The following ADD3 variants were observed in gnomAD, a reference collection of about 807,000 sequenced individuals.
ADD3 encodes adducin 3.
Under a neutral mutation model 80.2 loss-of-function variants are expected in ADD3, and 25 were observed. The ratio of observed to expected loss-of-function variants is 0.31; its 90% confidence interval spans 0.23 to 0.44. The LOEUF (loss-of-function observed/expected upper bound fraction) is 0.44. Ranked by LOEUF, ADD3 falls within the 20% of genes least tolerant of loss-of-function variation. The pLI is 1.00. For synonymous variants in ADD3, 284 were observed against 289.6 expected (o/e 0.98, Z 0.20); for missense variants, 829 against 847.5 (o/e 0.98, Z 0.27).
intron 11 of ADD3, 70 bp from the exon 12 acceptor site, chr10:110,126,347 A>C: frequency 1.7e-6 from 2 of 1,197,484 alleles, no homozygotes; most frequent in Non-Finnish European, 1.2e-6. Flanking sequence ...AGCTTTTATG[A>C]AAAGATAAAG....
At chr10:110,003,302 GGTGTGT>G, upstream of ADD3, among the ~76,000 whole-genome samples, 1 of 147,028 alleles carries the variant, frequency 6.8e-6, no homozygotes, top group East Asian at 2.0e-4. Context: ...GAACAGTAAG[GGTGTGT>G]GTGTGTGTGT....
chr10:110,001,705 G>C (rs553171302), upstream of ADD3, among the ~76,000 whole-genome samples: 5 of 151,902 alleles, frequency 3.3e-5, no homozygotes, highest in East Asian at 5.8e-4. Context: ...CTCAATCCAG[G>C]GCCCCATCCT....
intron 1 of ADD3, among the ~76,000 whole-genome samples, chr10:110,063,750 T>TATA (rs1323695635): frequency 8.7e-5 from 4 of 45,838 alleles, no homozygotes; most frequent in African/African-American, 3.1e-4. Flanking sequence ...TATATATATA[T>TATA]ATATATATAT....
At chr10:110,033,724 T>G (rs993803720) in intron 1 of ADD3, among the ~76,000 whole-genome samples, 2 of 152,204 alleles carry the variant, frequency 1.3e-5, no homozygotes, top group Non-Finnish European at 2.9e-5. Context: ...TGCAAATACT[T>G]TGTGCATTCT....
At chr10:110,024,054 C>G (rs944811331) in intron 1 of ADD3, among the ~76,000 whole-genome samples, 3 of 152,268 alleles carry the variant, frequency 2.0e-5, no homozygotes, top group Non-Finnish European at 2.9e-5. Flanking sequence ...GAAAAACTGT[C>G]CAGCACAATG....
chr10:110,115,017 T>C (rs1850533953), intron 3 of ADD3, among the ~76,000 whole-genome samples: 1 of 148,168 alleles, frequency 6.7e-6, no homozygotes, highest in Non-Finnish European at 1.5e-5. Flanking sequence ...AGTTCGAGGC[T>C]GCAGTGAGCC....
chr10:109,996,622 C>A (rs1373013296), intron 1 of ADD3, among the ~76,000 whole-genome samples: 1 of 152,132 alleles, frequency 6.6e-6, no homozygotes, highest in Non-Finnish European at 1.5e-5. Flanking sequence ...GTTATGAATT[C>A]TCATGTTCAT....
intron 12 of ADD3, 79 bp downstream of exon 12, chr10:110,126,582 T>G (rs1244506089): frequency 9.6e-7 from 1 of 1,036,558 alleles, no homozygotes; most frequent in African/African-American, 1.6e-5. Context: ...GAATATTTAT[T>G]TTTACTAAGG....
intron 1 of ADD3, among the ~76,000 whole-genome samples, chr10:110,073,118 C>A (rs553504129): frequency 1.3e-5 from 2 of 149,986 alleles, no homozygotes; most frequent in South Asian, 2.1e-4. Context: ...ATTTGCTTAA[C>A]CTCTTTGAGT....
At position 110,090,117 on chromosome 10, in the gene ADD3, C is replaced by T. The variant is rs545268106; in HGVS notation, c.-29-10508C>T. Among the ~76,000 whole-genome samples, 7 of 149,572 alleles carry T rather than the reference C, an allele frequency of 4.7e-5. 1 individual carries two copies. The South Asian group carries it at 1.0e-3, about 22-fold the overall frequency. Reference sequence around the variant, plus strand: ...ATAAAATATCCTTCGTCGTTAGTGACACAGAGGTTAGACTGATCCTCAGCA... The same window carrying T: ...ATAAAATATCCTTCGTCGTTAGTGATACAGAGGTTAGACTGATCCTCAGCA... On this transcript the variant is annotated intron_variant, in intron 1 of 14. Transcript: ENST00000356080.
At chr10:109,998,862 A>G (rs901085162) in intron 1 of ADD3, among the ~76,000 whole-genome samples, 1 of 148,136 alleles carries the variant, frequency 6.8e-6, no homozygotes, top group African/African-American at 2.5e-5. Flanking sequence ...AGTCATTGTC[A>G]ATGGCCTATT....
chr10:110,125,448 T>C (rs1350550326), intron 10 of ADD3, among the ~76,000 whole-genome samples: 2 of 151,818 alleles, frequency 1.3e-5, no homozygotes, highest in African/African-American at 4.9e-5. Flanking sequence ...TTTTTTTGAT[T>C]ACTCCTTTGC....
chr10:110,027,905 C>T (rs1854499584), intron 1 of ADD3, among the ~76,000 whole-genome samples: 1 of 152,146 alleles, frequency 6.6e-6, no homozygotes, highest in African/African-American at 2.4e-5. Context: ...CTTCAGAGGG[C>T]AGGTTCAGTT....
chr10:110,113,469 A>G (rs1206054884), intron 3 of ADD3, among the ~76,000 whole-genome samples: 1 of 152,020 alleles, frequency 6.6e-6, no homozygotes, highest in Admixed American at 6.6e-5. Context: ...GGGTTTCACC[A>G]TGTTGGTTAG....
chr10:110,059,379 G>A (rs1858598450), intron 1 of ADD3, among the ~76,000 whole-genome samples: 1 of 152,160 alleles, frequency 6.6e-6, no homozygotes, highest in Non-Finnish European at 1.5e-5. Flanking sequence ...GGCTGACGCA[G>A]GAGAATTGCT....
intron 14 of ADD3, 51 bp downstream of exon 14, chr10:110,132,451 G>T: frequency 7.9e-7 from 1 of 1,261,474 alleles, no homozygotes; most frequent in Non-Finnish European, 1.2e-6. Context: ...TCTTGAGTCT[G>T]TCCCTCTGTG....
At chr10:110,075,092 GACTAACTAC>G (rs1242429083) in intron 1 of ADD3, among the ~76,000 whole-genome samples, 2 of 152,214 alleles carry the variant, frequency 1.3e-5, no homozygotes, top group Non-Finnish European at 2.9e-5. Flanking sequence ...TTTTTAAAGG[GACTAACTAC>G]ACATTGGGCA....
At chr10:110,001,451 G>A (rs925465330), upstream of ADD3, among the ~76,000 whole-genome samples, 3 of 151,942 alleles carry the variant, frequency 2.0e-5, no homozygotes, top group African/African-American at 7.3e-5. Context: ...GACTCAGAGA[G>A]GTTAAATATT....
intron 1 of ADD3, among the ~76,000 whole-genome samples, chr10:110,092,794 A>T (rs1282772517): frequency 6.6e-6 from 1 of 151,850 alleles, no homozygotes; most frequent in East Asian, 1.9e-4. Context: ...TGAAAAAAAA[A>T]ACCCCTCAGT....
Sources: gnomAD v4.1 joint callset for allele counts (sites outside exome capture counted in the v4.1 genomes callset) on GRCh38, gnomAD v4.1.1 for gene constraint, MANE v1.5 for transcripts, NCBI Gene and HGNC (gene_info 2026-07-23, HGNC 2026-07-21) for gene names.